The following PRKCZ variants were observed in gnomAD, a reference collection of about 807,000 sequenced individuals.
The protein encoded by PRKCZ is protein kinase C zeta type.
A neutral mutation model predicts 79.5 loss-of-function variants in PRKCZ; 33 were observed. The observed-to-expected ratio is 0.41, with a 90% CI of 0.31 to 0.55. PRKCZ has a LOEUF of 0.55. Ranked by LOEUF, PRKCZ falls within the 20% of genes least tolerant of loss-of-function variation. PRKCZ has a pLI of 0.19. For missense variants in PRKCZ, 578 were observed against 813.5 expected, an observed-to-expected ratio of 0.71 and a Z score of 3.52; for synonymous variants, 342 against 320.9, an observed-to-expected ratio of 1.07 and a Z score of -0.70.
intron 4 of PRKCZ, among the ~76,000 whole-genome samples, chr1:2,126,352 G>A (rs1673893341): frequency 6.6e-6 from 1 of 152,194 alleles, no homozygotes; most frequent in African/African-American, 2.4e-5. Flanking sequence ...CGTGGTCGGG[G>A]CAGGTGCCGC....
chr1:2,057,306 G>C (rs1026301555), intron 3 of PRKCZ, among the ~76,000 whole-genome samples: 1 of 152,196 alleles, frequency 6.6e-6, no homozygotes, highest in Admixed American at 6.5e-5. Context: ...CTCCTCCCCG[G>C]TACTGCTGGG....
chr1:2,077,320 T>G (rs1023213509), intron 4 of PRKCZ, among the ~76,000 whole-genome samples: 2 of 152,212 alleles, frequency 1.3e-5, no homozygotes, highest in Non-Finnish European at 2.9e-5. Flanking sequence ...GTGGGAAGTT[T>G]GAAAAGATTC....
chr1:2,052,834 C>T (rs1011888948), intron 1 of PRKCZ, among the ~76,000 whole-genome samples: 6 of 152,282 alleles, frequency 3.9e-5, no homozygotes, highest in Middle Eastern at 3.4e-3. Context: ...AGCGTGGACA[C>T]GTGGAAGACT....
intron 4 of PRKCZ, among the ~76,000 whole-genome samples, chr1:2,099,214 C>T (rs113759939): frequency 4.3e-4 from 65 of 152,276 alleles, no homozygotes; most frequent in East Asian, 1.7e-3. Context: ...TCTCACAAGT[C>T]GCTGGGATAT....
intron 4 of PRKCZ, among the ~76,000 whole-genome samples, chr1:2,117,667 G>A (rs763347610): frequency 1.3e-5 from 2 of 152,102 alleles, no homozygotes; most frequent in African/African-American, 2.4e-5. Context: ...TGCTGTTTGC[G>A]GAAATACTGT....
chr1:2,126,072 C>T (rs913393533), intron 4 of PRKCZ, among the ~76,000 whole-genome samples: 1 of 152,050 alleles, frequency 6.6e-6, no homozygotes, highest in Admixed American at 6.5e-5. Context: ...GCAGCGTCAC[C>T]TGGGGGTCCT....
At chr1:2,100,451 A>G (rs1043867183) in intron 4 of PRKCZ, among the ~76,000 whole-genome samples, 2 of 151,984 alleles carry the variant, frequency 1.3e-5, no homozygotes, top group African/African-American at 4.8e-5. Flanking sequence ...CCAAGGTCCT[A>G]CCTTTGTATC....
At chr1:2,179,595 C>T (rs559664123) in intron 16 of PRKCZ, among the ~76,000 whole-genome samples, 11 of 152,216 alleles carry the variant, frequency 7.2e-5, no homozygotes, top group East Asian at 3.9e-4. Flanking sequence ...CCCACATGGC[C>T]GGGCGGTGCT....
chr1:2,055,685 G>A, intron 2 of PRKCZ, 123 bp downstream of exon 2: 1 of 1,395,920 alleles, frequency 7.2e-7, no homozygotes, highest in Non-Finnish European at 9.5e-7. Flanking sequence ...AATTAAACTT[G>A]TTGGCGCCAA....
rs1416871609 is a variant in PRKCZ at position 2,073,857 on chromosome 1, A to G, written c.334+14266A>G. 7.6e-6 allele frequency: 8 copies of G among 1,059,502 alleles called. No individual in the cohort carries two copies. The African/African-American group carries it at 1.3e-4, about 18-fold the overall frequency. 65.6% of individuals were successfully genotyped at this position (1,059,502 alleles called of 1,614,324 possible). A position where few individuals can be genotyped will look rare whatever the true frequency, so the allele number is the denominator to read the frequency against. ...AGCATCAGCTCGTCAACGGGAAGGA[A>G]GATGCCTCCCTGCACGCCCGCCGCG... On this transcript the variant is annotated intron_variant, in intron 4 of 17. Transcript: ENST00000378567.
chr1:2,129,334 C>G (rs1674520597), intron 4 of PRKCZ, among the ~76,000 whole-genome samples: 1 of 152,180 alleles, frequency 6.6e-6, no homozygotes. Context: ...TCAGGCCAGT[C>G]CTAACGGAGG....
At chr1:2,175,443 T>G in intron 16 of PRKCZ, 130 bp downstream of exon 16, 1 of 656,958 alleles carries the variant, frequency 1.5e-6, no homozygotes, top group Non-Finnish European at 2.4e-6. Context: ...CCAATATCCA[T>G]CCCAACCCCA....
At chr1:2,076,283 C>A (rs1021155855) in intron 4 of PRKCZ, among the ~76,000 whole-genome samples, 2 of 152,234 alleles carry the variant, frequency 1.3e-5, no homozygotes, top group Non-Finnish European at 2.9e-5. Context: ...CATCTCCCCA[C>A]CTCCCTCACA....
intron 4 of PRKCZ, among the ~76,000 whole-genome samples, chr1:2,067,370 C>A (rs543745081): frequency 6.6e-6 from 1 of 152,138 alleles, no homozygotes; most frequent in South Asian, 2.1e-4. Context: ...TTCTGTGATG[C>A]GATTCACCCT....
At chr1:2,147,171 C>A (rs951062592) in intron 7 of PRKCZ, among the ~76,000 whole-genome samples, 2 of 150,972 alleles carry the variant, frequency 1.3e-5, no homozygotes, top group African/African-American at 4.9e-5. Context: ...CGTCTATTGT[C>A]CACTGACCTC....
chr1:2,177,367 CCT>C lies in PRKCZ; in HGVS notation c.1575+2061_1575+2062del, dbSNP rs1321766674. ...TCAGTCTCCCCCGTGCCTTTCCCAC[CCT>C]CTCTCTTCCAAGCCCACCACCGTAT... On this transcript the variant is annotated intron_variant, in intron 16 of 17. Transcript: ENST00000378567. The surrounding 1 kb of genome is among the most constrained non-coding windows in gnomAD (Gnocchi z 6.4). Among the ~76,000 whole-genome samples, 1 of 152,166 alleles carries C rather than the reference CCT, an allele frequency of 6.6e-6. No individual in the cohort carries two copies. Among genetic ancestry groups the C allele is most frequent in the African/African-American group, 2.4e-5 (1 of 41,440 alleles).
intron 11 of PRKCZ, among the ~76,000 whole-genome samples, chr1:2,170,584 T>TC (rs1451736157): frequency 1.3e-5 from 2 of 152,188 alleles, no homozygotes; most frequent in Non-Finnish European, 2.9e-5. Flanking sequence ...GGCCCCCGTC[T>TC]CATCTCCAGA....
At chr1:2,098,565 T>G (rs1571351252) in intron 4 of PRKCZ, 1 of 113,800 alleles carries the variant, frequency 8.8e-6, no homozygotes, top group South Asian at 2.9e-4. Context: ...GGTGAGAGGG[T>G]GCCCTCTGCC....
intron 4 of PRKCZ, among the ~76,000 whole-genome samples, chr1:2,090,652 C>T (rs1665332813): frequency 6.6e-6 from 1 of 152,224 alleles, no homozygotes. Flanking sequence ...CGTCCTCCCA[C>T]AGCCGCGTGC....
Sources: gnomAD v4.1 joint callset for allele counts (sites outside exome capture counted in the v4.1 genomes callset) on GRCh38, gnomAD v4.1.1 for gene constraint, Gnocchi (gnomAD v3.1) non-coding constraint, MANE v1.5 for transcripts, NCBI Gene and HGNC (gene_info 2026-07-23, HGNC 2026-07-21) for gene names.